Variants in PCNX2 observed in about 807,000 individuals in gnomAD.
PCNX2 encodes the protein pecanex 2.
In PCNX2, 168 loss-of-function variants were observed where a neutral mutation model predicts 223.8. The observed-to-expected ratio is 0.75, with a 90% CI of 0.66 to 0.85. The LOEUF (loss-of-function observed/expected upper bound fraction) is 0.85, where lower values mean the gene tolerates loss of function less well. Among genes scored for constraint, PCNX2 ranks in the 40% least tolerant of loss-of-function variants. PCNX2 has a pLI of 0.00. For missense variants in PCNX2, 2,507 were observed against 2,675.5 expected (o/e 0.94, Z 1.39); for synonymous variants, 1,006 against 1,052.6 (o/e 0.96, Z 0.86).
intron 17 of PCNX2, among the ~76,000 whole-genome samples, chr1:233,173,396 C>T (rs1679276861): frequency 6.6e-6 from 1 of 152,176 alleles, no homozygotes; most frequent in South Asian, 2.1e-4. Flanking sequence ...GAACTCCTGA[C>T]CTCAGGTGAT....
intron 19 of PCNX2, among the ~76,000 whole-genome samples, chr1:233,144,180 T>C (rs962446751): frequency 1.3e-5 from 2 of 152,110 alleles, no homozygotes; most frequent in Admixed American, 6.6e-5. Context: ...AGACCCTGTC[T>C]CAAAAACATG....
intron 19 of PCNX2, among the ~76,000 whole-genome samples, chr1:233,156,007 C>T (rs1678099029): frequency 6.6e-6 from 1 of 152,152 alleles, no homozygotes; most frequent in Non-Finnish European, 1.5e-5. Context: ...TTCACATATA[C>T]ACATTAATAT....
chr1:233,218,671 T>C (rs1444317869), intron 10 of PCNX2, among the ~76,000 whole-genome samples: 1 of 152,206 alleles, frequency 6.6e-6, no homozygotes, highest in East Asian at 1.9e-4. Flanking sequence ...TTTCTTTCCT[T>C]ATTCCTCATG....
chr1:233,317,469 CAAGAT>C, the PCNX2 span, among the ~76,000 whole-genome samples: 2 of 152,042 alleles, frequency 1.3e-5, no homozygotes, highest in African/African-American at 2.4e-5. Context: ...CTGATGACAA[CAAGAT>C]AAAAGTTACA....
intron 21 of PCNX2, among the ~76,000 whole-genome samples, chr1:233,130,160 CTCCGAACACA>C (rs1465314975): frequency 6.6e-6 from 1 of 152,126 alleles, no homozygotes; most frequent in Non-Finnish European, 1.5e-5. Context: ...AAGGAAGAAA[CTCCGAACACA>C]TCCGAACATC....
At chr1:233,177,932 A>G (rs748448151) in intron 16 of PCNX2, 34 bp from the exon 17 acceptor site, 2 of 1,555,634 alleles carry the variant, frequency 1.3e-6, no homozygotes, top group Admixed American at 3.4e-5. Flanking sequence ...TTCATCAAAG[A>G]TGTTCCTGGG....
At chr1:233,021,873 G>T (rs551269766) in intron 26 of PCNX2, among the ~76,000 whole-genome samples, 116 of 152,308 alleles carry the variant, frequency 7.6e-4, no homozygotes, top group African/African-American at 2.6e-3. Context: ...CTAGGGGACT[G>T]GGAGGCACAT....
chr1:232,984,390 G>C lies in PCNX2; in HGVS notation c.6328C>G (p.Leu2110Val), dbSNP rs1370825346. Residue 2110 changes from leucine (L) to valine (V), a missense_variant, in exon 34 of 34, where the codon CTC becomes GTC. Physicochemically the swap from Leu to Val is conservative, Grantham distance 32. Around this residue, in one of 3 missense-constraint regions of PCNX2, gnomAD observed 1,372 missense variants for 1,509.4 expected, o/e 0.91. Transcript: ENST00000258229. Reference protein sequence around the residue: ...RCLAEAVADTLGVVCRRASQE... With the variant: ...RCLAEAVADTVGVVCRRASQE... ...CTTGCTCTCCTGCAGACAACCCCGA[G>C]AGTGTCCGCCACAGCCTCAGCCAGA... 1.2e-6 allele frequency: 2 copies of C among 1,613,774 alleles called. No individual in the cohort carries two copies. Among genetic ancestry groups the C allele is most frequent in the East Asian group, 2.2e-5 (1 of 44,854 alleles).
intron 8 of PCNX2, among the ~76,000 whole-genome samples, chr1:233,242,236 A>G (rs1572138085): frequency 6.6e-6 from 1 of 152,234 alleles, no homozygotes; most frequent in African/African-American, 2.4e-5. Context: ...CGATAATTCA[A>G]AAACAAAAGC....
Position 233,259,276 on chromosome 1 carries a change from T to C in PCNX2, c.586A>G (p.Ser196Gly), listed in dbSNP as rs1352630243. ...SSTSPGIKVESLPASQAHMLE... is the reference protein window; with the variant it reads ...SSTSPGIKVEGLPASQAHMLE... ...ATGTGTGCTTGAGACGCAGGTAAGCTTTCCACTTTGATACCAGGTGAGGTA... is the reference window on the plus strand; with the variant it reads ...ATGTGTGCTTGAGACGCAGGTAAGCCTTCCACTTTGATACCAGGTGAGGTA... The change falls in exon 5 of 34, where the codon AGC becomes GGC. Residue 196 changes from serine to glycine, a missense_variant. This residue lies in a region of PCNX2 where 1,031 missense variants were observed against 1,021.7 expected (regional missense o/e 1.01). Coordinates refer to ENST00000258229, the MANE Select transcript of PCNX2 (RefSeq NM_014801.4). 1.2e-6 allele frequency: 2 copies of C among 1,613,830 alleles called. No homozygotes were observed. Among genetic ancestry groups the C allele is most frequent in the South Asian group, 1.1e-5 (1 of 91,088 alleles).
At chr1:233,079,819 C>T (rs148850675) in intron 23 of PCNX2, among the ~76,000 whole-genome samples, 2,707 of 152,228 alleles carry the variant, frequency 0.018, 33 homozygotes, top group Non-Finnish European at 0.026. Context: ...GGACTGCTAA[C>T]AGCAATAGGC....
the PCNX2 span, among the ~76,000 whole-genome samples, chr1:233,315,712 T>G: frequency 2.6e-5 from 4 of 152,068 alleles, no homozygotes; most frequent in African/African-American, 4.8e-5. Context: ...CAAAAACAGG[T>G]AGTATGACCA....
intron 8 of PCNX2, among the ~76,000 whole-genome samples, chr1:233,238,104 C>T (rs1658528163): frequency 1.3e-5 from 2 of 152,250 alleles, no homozygotes; most frequent in Middle Eastern, 3.4e-3. Flanking sequence ...ATTAAACCTC[C>T]GAATTCACCA....
Position 233,253,075 on chromosome 1 carries a change from T to C in PCNX2, c.1835-287A>G, listed in dbSNP as rs1042386845. ...CTCCCTTGAAATAACTCGGTGACCATACATGTGCCCAGCTGGAAATCACCC... is the reference window on the plus strand; with the variant it reads ...CTCCCTTGAAATAACTCGGTGACCACACATGTGCCCAGCTGGAAATCACCC... On this transcript the variant is annotated intron_variant, in intron 5 of 33. Transcript: ENST00000258229. The surrounding 1 kb of genome is among the most constrained non-coding windows in gnomAD (Gnocchi z 4.2). Among the ~76,000 whole-genome samples the C allele has an allele frequency of 1.3e-5, 2 of 152,328 alleles. No individual in the cohort carries two copies. The highest frequency in any genetic ancestry group is 2.4e-5 in the African/African-American group (1 of 41,580).
intron 1 of PCNX2, chr1:233,294,114 A>G (rs1661932430): frequency 1.8e-6 from 1 of 557,512 alleles, no homozygotes; most frequent in Non-Finnish European, 2.3e-6. Context: ...TATGAATGCT[A>G]AGTTTTAGAA....
At position 233,241,043 on chromosome 1, in the gene PCNX2, GCATAGAGGGACA is replaced by G. The variant is rs1022607542; in HGVS notation, c.2223-4075_2223-4064del. On this transcript the variant is annotated intron_variant, in intron 8 of 33. Coordinates refer to ENST00000258229, the MANE Select transcript of PCNX2 (RefSeq NM_014801.4). ...TCCTCCAGGGACATGGGCACAAGGC[GCATAGAGGGACA>G]CAGAAATGAAAGTCCCAGCAACATG... 9.9e-6 allele frequency: 5 copies of G among 503,044 alleles called. No homozygotes were observed. In the African/African-American group the frequency reaches 1.1e-4, roughly 11 times the overall value. The allele number at this position is 503,044 out of a possible 1,614,324, so 31.2% of individuals were successfully genotyped here.
intron 21 of PCNX2, among the ~76,000 whole-genome samples, chr1:233,132,892 C>CT (rs892121349): frequency 0.046 from 5,258 of 114,680 alleles, 158 homozygotes; most frequent in African/African-American, 0.066. Context: ...CATTTTACAT[C>CT]TTTTTTTTTT....
chr1:233,172,616 T>C, intron 17 of PCNX2: 1 of 905,488 alleles, frequency 1.1e-6, no homozygotes, highest in Non-Finnish European at 1.3e-6. Flanking sequence ...TCAATTCCTG[T>C]TCTCCATAGT....
chr1:233,037,727 T>C (rs150292466), intron 25 of PCNX2, among the ~76,000 whole-genome samples: 84 of 152,310 alleles, frequency 5.5e-4, no homozygotes, highest in African/African-American at 1.9e-3. Flanking sequence ...TATAACTTGT[T>C]TGATTTTGTG....
Sources: allele counts gnomAD v4.1 joint callset (sites outside exome capture counted in the v4.1 genomes callset), GRCh38; gene constraint gnomAD v4.1.1; regional missense constraint gnomAD v4.1.1; non-coding constraint Gnocchi (gnomAD v3.1); transcripts MANE v1.5; gene names NCBI Gene and HGNC (gene_info 2026-07-23, HGNC 2026-07-21).